Variants in GLIS1 observed in about 807,000 individuals in gnomAD.
GLIS1 encodes GLIS family zinc finger 1, also known as zinc finger protein GLIS1.
A neutral mutation model predicts 63.8 loss-of-function variants in GLIS1; 24 were observed. The ratio of observed to expected loss-of-function variants is 0.38; its 90% CI spans 0.27 to 0.53. The LOEUF is 0.53. Ranked by LOEUF, GLIS1 falls within the 20% of genes least tolerant of loss-of-function variation. GLIS1 has a pLI of 0.85. For synonymous variants in GLIS1, 450 were observed against 482.5 expected, an observed-to-expected ratio of 0.93 and a Z score of 0.88; for missense variants, 1,036 against 1,074.1, an observed-to-expected ratio of 0.96 and a Z score of 0.50.
intron 6 of GLIS1, 54 bp downstream of exon 6, chr1:53,524,723 G>T: frequency 7.8e-7 from 1 of 1,288,500 alleles, no homozygotes; most frequent in Non-Finnish European, 1.1e-6. Context: ...CTGGCCTGAT[G>T]CGGTGCAGGC....
At chr1:53,552,518 A>G (rs1342033001) in intron 4 of GLIS1, among the ~76,000 whole-genome samples, 1 of 152,264 alleles carries the variant, frequency 6.6e-6, no homozygotes, top group Non-Finnish European at 1.5e-5. Context: ...CTTTTTAAAT[A>G]AAAACCAACA....
At chr1:53,534,798 G>T (rs977411940) in intron 4 of GLIS1, among the ~76,000 whole-genome samples, 1 of 151,998 alleles carries the variant, frequency 6.6e-6, no homozygotes, top group African/African-American at 2.4e-5. Flanking sequence ...CCCTCTGTGT[G>T]CCTGGCAGTG....
intron 4 of GLIS1, among the ~76,000 whole-genome samples, chr1:53,573,504 T>C (rs1645003427): frequency 6.6e-6 from 1 of 152,122 alleles, no homozygotes; most frequent in African/African-American, 2.4e-5. Context: ...AGACCTACGT[T>C]GTATGGACAC....
chr1:53,608,322 A>T (rs1276057518), intron 2 of GLIS1, among the ~76,000 whole-genome samples: 1 of 152,188 alleles, frequency 6.6e-6, no homozygotes, highest in Non-Finnish European at 1.5e-5. Flanking sequence ...TTATGACCTC[A>T]TTTAACTTTA....
In GLIS1 at chr1:53,574,061, C is replaced by T. The variant is rs1029158681; in HGVS notation, c.1320+20047G>A. On this transcript the variant is annotated intron_variant, in intron 4 of 10. Coordinates refer to ENST00000628545, the MANE Select transcript of GLIS1 (RefSeq NM_001367484.1). The surrounding 1 kb of genome is among the most constrained non-coding windows in gnomAD (Gnocchi z 4.2). Reference sequence around the variant, plus strand: ...ACCAACTGCTGCTCCATCCTGCAGCCGGCTCCAGGCACTCAGATGGCAGAA... The same window carrying T: ...ACCAACTGCTGCTCCATCCTGCAGCTGGCTCCAGGCACTCAGATGGCAGAA... 5.9e-5 allele frequency among the ~76,000 whole-genome samples: 9 copies of T among 152,188 alleles called. No homozygotes were observed. Among genetic ancestry groups the T allele is most frequent in the South Asian group, 4.1e-4 (2 of 4,824 alleles).
At chr1:53,546,340 T>C (rs1454630795) in intron 4 of GLIS1, among the ~76,000 whole-genome samples, 3 of 152,210 alleles carry the variant, frequency 2.0e-5, no homozygotes, top group Non-Finnish European at 4.4e-5. Context: ...CATGGGGCAC[T>C]GGGGAGGAGC....
intron 2 of GLIS1, among the ~76,000 whole-genome samples, chr1:53,687,481 C>T (rs1172642956): frequency 5.9e-5 from 9 of 152,184 alleles, no homozygotes; most frequent in Non-Finnish European, 1.3e-4. Flanking sequence ...ACAGTTGAGC[C>T]CCCACAATAA....
intron 2 of GLIS1, among the ~76,000 whole-genome samples, chr1:53,685,893 C>T (rs1646331340): frequency 1.3e-5 from 2 of 152,184 alleles, no homozygotes; most frequent in Non-Finnish European, 2.9e-5. Flanking sequence ...TCAGGAACTG[C>T]TCCCTGCTGA....
chr1:53,658,960 G>C (rs771156303), intron 2 of GLIS1, among the ~76,000 whole-genome samples: 11 of 152,142 alleles, frequency 7.2e-5, no homozygotes, highest in Non-Finnish European at 1.5e-4. Flanking sequence ...TGCACCAAGG[G>C]GCCAAGGGGG....
chr1:53,661,011 G>A (rs964907330), intron 2 of GLIS1, among the ~76,000 whole-genome samples: 2 of 152,200 alleles, frequency 1.3e-5, no homozygotes, highest in Non-Finnish European at 2.9e-5. Context: ...TCCACTGAGT[G>A]GCCTTGGGCA....
chr1:53,506,695 TCGGGG>T lies in GLIS1; in HGVS notation c.2307_2311del (p.Pro770GlyfsTer11). ...TCCATTGGGGAAGAAGCCACAGTCCTCGGGGCCGCTGGACACCACATCTTCAGATG... is the reference window on the plus strand; with the variant it reads ...TCCATTGGGGAAGAAGCCACAGTCCTCCGCTGGACACCACATCTTCAGATG... On this transcript the variant is annotated frameshift_variant, in exon 11 of 11. Coordinates refer to ENST00000628545, the MANE Select transcript of GLIS1 (RefSeq NM_001367484.1). LOFTEE classifies it high-confidence loss of function. 1 of 1,613,450 alleles carries T rather than the reference TCGGGG, an allele frequency of 6.2e-7. No homozygotes were observed. The highest frequency in any genetic ancestry group is 8.5e-7 in the Non-Finnish European group (1 of 1,179,968).
chr1:53,700,574 G>A (rs1646513021), intron 2 of GLIS1, among the ~76,000 whole-genome samples: 1 of 152,096 alleles, frequency 6.6e-6, no homozygotes, highest in African/African-American at 2.4e-5. Flanking sequence ...GGGGTGGAGG[G>A]GTCAGATCCT....
chr1:53,555,422 C>G (rs866381267), intron 4 of GLIS1, among the ~76,000 whole-genome samples: 2 of 152,046 alleles, frequency 1.3e-5, no homozygotes. Flanking sequence ...CCCAGCTACT[C>G]GGGAGGCTGA....
chr1:53,703,412 G>C (rs1446158051), intron 2 of GLIS1, among the ~76,000 whole-genome samples: 1 of 152,046 alleles, frequency 6.6e-6, no homozygotes, highest in Non-Finnish European at 1.5e-5. Context: ...CAAGGCAGGA[G>C]GATCGTTTGA....
At chr1:53,729,249 G>A (rs964712326) in intron 2 of GLIS1, among the ~76,000 whole-genome samples, 4 of 152,080 alleles carry the variant, frequency 2.6e-5, no homozygotes, top group Non-Finnish European at 2.9e-5. Context: ...ATCCACCCGC[G>A]GACCCCTCCT....
intron 2 of GLIS1, among the ~76,000 whole-genome samples, chr1:53,612,710 A>G (rs1645437956): frequency 6.6e-6 from 1 of 152,154 alleles, no homozygotes; most frequent in Non-Finnish European, 1.5e-5. Context: ...CAGATTGGCT[A>G]ATGCCTGAAA....
chr1:53,630,785 T>TCG lies in GLIS1; in HGVS notation c.260-30509_260-30508dup, dbSNP rs1645644113. Among the ~76,000 whole-genome samples, 3 of 152,214 alleles carry TCG rather than the reference T, an allele frequency of 2.0e-5. No homozygotes were observed. The South Asian group carries it at 6.2e-4, about 31-fold the overall frequency. ...GTGCTGGGATTACAGGCATGAGCCATCGTGCCCAGCCAGAGGGAGCCAATT... is the reference window on the plus strand; with the variant it reads ...GTGCTGGGATTACAGGCATGAGCCATCGCGTGCCCAGCCAGAGGGAGCCAATT... On this transcript the variant is annotated intron_variant, in intron 2 of 10. Coordinates refer to ENST00000628545, the MANE Select transcript of GLIS1 (RefSeq NM_001367484.1).
intron 4 of GLIS1, among the ~76,000 whole-genome samples, chr1:53,586,268 A>G (rs1645133882): frequency 6.6e-6 from 1 of 150,936 alleles, no homozygotes; most frequent in African/African-American, 2.4e-5. Context: ...CAAGAGAAGA[A>G]AGGACATTGG....
chr1:53,537,116 G>A (rs909490949), intron 4 of GLIS1, among the ~76,000 whole-genome samples: 4 of 152,194 alleles, frequency 2.6e-5, no homozygotes, highest in Admixed American at 6.5e-5. Flanking sequence ...AGACAGAGGG[G>A]AGCCATCCCA....
Sources: gnomAD v4.1 joint callset for allele counts (sites outside exome capture counted in the v4.1 genomes callset) on GRCh38, gnomAD v4.1.1 for gene constraint, Gnocchi (gnomAD v3.1) non-coding constraint, MANE v1.5 for transcripts, NCBI Gene and HGNC (gene_info 2026-07-23, HGNC 2026-07-21) for gene names.